PTPRN2: variants seen among roughly 807,000 people sequenced by gnomAD.
PTPRN2 encodes receptor-type tyrosine-protein phosphatase N2.
PTPRN2 carries 74 observed loss-of-function variants against 118.8 expected under a neutral mutation model. The observed-to-expected ratio is 0.62, with a 90% CI of 0.52 to 0.76. The LOEUF (loss-of-function observed/expected upper bound fraction) is 0.76. Among genes scored for constraint, PTPRN2 ranks in the 30% least tolerant of loss-of-function variants. PTPRN2 has a pLI of 0.00. For synonymous variants in PTPRN2, 641 were observed against 608.0 expected (o/e 1.05, Z -0.80); for missense variants, 1,481 against 1,394.4 (o/e 1.06, Z -0.99).
intron 2 of PTPRN2, among the ~76,000 whole-genome samples, chr7:158,348,803 G>A (rs927078868): frequency 6.6e-6 from 1 of 152,168 alleles, no homozygotes; most frequent in Non-Finnish European, 1.5e-5. Context: ...TCCCCATCCT[G>A]GAGCCTCCTG....
chr7:157,625,212 C>G (rs184571657), intron 14 of PTPRN2, among the ~76,000 whole-genome samples: 1 of 152,152 alleles, frequency 6.6e-6, no homozygotes, highest in Admixed American at 6.5e-5. Context: ...CCATATGATC[C>G]GGCAATCCCA....
intron 2 of PTPRN2, among the ~76,000 whole-genome samples, chr7:158,410,669 C>T (rs1262859556): frequency 6.6e-6 from 1 of 152,192 alleles, no homozygotes; most frequent in Non-Finnish European, 1.5e-5. Flanking sequence ...GCCAGAGCCT[C>T]GGAATGTAAC....
In PTPRN2 at chr7:157,866,833, C is replaced by T. The variant is rs191308213; in HGVS notation, c.1788+31840G>A. Among the ~76,000 whole-genome samples the T allele has an allele frequency of 4.0e-3, 474 of 118,286 alleles. 26 individuals carry two copies. The East Asian group carries it at 0.098, about 24-fold the overall frequency. The allele number at this position is 118,286 out of a possible 152,430, so 77.6% of individuals were successfully genotyped here. On this transcript the variant is annotated intron_variant, in intron 12 of 22. Transcript: ENST00000389418. ...CCCTGGATACATGGCCACCACCGCC[C>T]CCCCCCGACGCCCTGGATACACGGC...
intron 1 of PTPRN2, among the ~76,000 whole-genome samples, chr7:158,535,373 C>A (rs1470279987): frequency 6.6e-6 from 1 of 152,136 alleles, no homozygotes; most frequent in African/African-American, 2.4e-5. Flanking sequence ...CCTTGTTTTT[C>A]CTTTCTGTAA....
chr7:158,473,885 A>G (rs1820051067), intron 2 of PTPRN2, among the ~76,000 whole-genome samples: 3 of 152,262 alleles, frequency 2.0e-5, no homozygotes, highest in African/African-American at 4.8e-5. Flanking sequence ...AAACTACTCC[A>G]GTATAAATCT....
intron 12 of PTPRN2, among the ~76,000 whole-genome samples, chr7:157,853,640 G>T (rs1809459508): frequency 6.6e-6 from 1 of 152,172 alleles, no homozygotes; most frequent in Non-Finnish European, 1.5e-5. Context: ...TGTCCGAGGA[G>T]CCTCCTCCAC....
intron 8 of PTPRN2, among the ~76,000 whole-genome samples, chr7:158,135,009 C>T (rs1036544645): frequency 1.3e-5 from 2 of 152,186 alleles, no homozygotes; most frequent in African/African-American, 2.4e-5. Flanking sequence ...AGGCACCCTA[C>T]ACTGCTTCCT....
At chr7:158,018,966 CA>C (rs753498681) in intron 11 of PTPRN2, among the ~76,000 whole-genome samples, 7,712 of 65,720 alleles carry the variant, frequency 0.12, 77 homozygotes, top group African/African-American at 0.2. Flanking sequence ...GTTTCAAAAA[CA>C]AAAAAAAAAA....
At chr7:158,238,357 A>G (rs1282024259) in intron 3 of PTPRN2, among the ~76,000 whole-genome samples, 2 of 151,990 alleles carry the variant, frequency 1.3e-5, no homozygotes, top group African/African-American at 4.8e-5. Context: ...ACTATAAAAT[A>G]AAGCGGGGGG....
At chr7:158,182,102 A>T (rs1471444570) in intron 5 of PTPRN2, among the ~76,000 whole-genome samples, 1 of 152,178 alleles carries the variant, frequency 6.6e-6, no homozygotes, top group Non-Finnish European at 1.5e-5. Flanking sequence ...AGGTTTTGAT[A>T]ACTTGTGTCA....
chr7:158,287,786 G>A (rs1254885724), intron 3 of PTPRN2, among the ~76,000 whole-genome samples: 1 of 152,070 alleles, frequency 6.6e-6, no homozygotes, highest in East Asian at 1.9e-4. Flanking sequence ...ATGTGTATTT[G>A]CTACCATTAT....
At chr7:157,660,266 TAAAAA>T (rs1795824456) in intron 13 of PTPRN2, among the ~76,000 whole-genome samples, 1 of 152,060 alleles carries the variant, frequency 6.6e-6, no homozygotes, top group African/African-American at 2.4e-5. Context: ...TTTACTCACA[TAAAAA>T]TAAAAAATCA....
At chr7:158,303,243 TA>T (rs1801027708) in intron 3 of PTPRN2, among the ~76,000 whole-genome samples, 1 of 152,074 alleles carries the variant, frequency 6.6e-6, no homozygotes, top group Non-Finnish European at 1.5e-5. Context: ...AACAACATTT[TA>T]AAAATCACGG....
rs1336412728 is a variant in PTPRN2, at chr7:158,132,281, GCACA to G, written c.1556+1392_1556+1395del. Among the ~76,000 whole-genome samples, 703 of 142,138 alleles carry G rather than the reference GCACA, an allele frequency of 4.9e-3. 6 individuals carry two copies. The highest frequency in any genetic ancestry group is 0.017 in the African/African-American group (651 of 38,124). 93.2% of individuals were successfully genotyped at this position (142,138 alleles called of 152,430 possible). Reference sequence around the variant, plus strand: ...CATACACACTCATACACACACACACGCACAAACTGATACACATCTACCCGACATA... The same window carrying G: ...CATACACACTCATACACACACACACGAACTGATACACATCTACCCGACATA... On this transcript the variant is annotated intron_variant, in intron 9 of 22. Coordinates refer to ENST00000389418, the MANE Select transcript of PTPRN2 (RefSeq NM_002847.5).
chr7:157,956,962 G>A (rs1361115391), intron 11 of PTPRN2, among the ~76,000 whole-genome samples: 1 of 152,184 alleles, frequency 6.6e-6, no homozygotes, highest in East Asian at 1.9e-4. Context: ...ACCTGCATCT[G>A]AGCCCATTCT....
chr7:158,246,475 C>T lies in PTPRN2; in HGVS notation c.278-41202G>A, dbSNP rs187561234. Among the ~76,000 whole-genome samples the T allele has an allele frequency of 1.7e-4, 26 of 150,764 alleles. 1 individual carries two copies. The highest frequency in any genetic ancestry group is 5.9e-4 in the East Asian group (3 of 5,050). ...GGTCCACAGGACAGGAAGTCCCACACGGGAGAAGGAGGATGCTGGGGCTGC... is the reference window on the plus strand; with the variant it reads ...GGTCCACAGGACAGGAAGTCCCACATGGGAGAAGGAGGATGCTGGGGCTGC... On this transcript the variant is annotated intron_variant, in intron 3 of 22. Coordinates refer to ENST00000389418, the MANE Select transcript of PTPRN2 (RefSeq NM_002847.5).
chr7:157,870,982 A>T (rs141878086), intron 12 of PTPRN2, among the ~76,000 whole-genome samples: 1 of 152,340 alleles, frequency 6.6e-6, no homozygotes, highest in African/African-American at 2.4e-5. Flanking sequence ...GGCCTGGCTC[A>T]GAGATGTTGA....
rs188863391 is a variant in PTPRN2, at chr7:158,178,459, T to C, written c.550-11168A>G. ...AGTCAGAACATAAGGTAATCGATTTTCCTTTCCTGAGTTACTTCACTTAGA... is the reference window on the plus strand; with the variant it reads ...AGTCAGAACATAAGGTAATCGATTTCCCTTTCCTGAGTTACTTCACTTAGA... On this transcript the variant is annotated intron_variant, in intron 5 of 22. Coordinates refer to ENST00000389418, the MANE Select transcript of PTPRN2 (RefSeq NM_002847.5). 3.3e-3 allele frequency among the ~76,000 whole-genome samples: 503 copies of C among 152,256 alleles called. 3 individuals are homozygous for C. Among genetic ancestry groups the C allele is most frequent in the African/African-American group, 0.012 (490 of 41,546 alleles).
chr7:158,319,098 T>C (rs548651931), intron 2 of PTPRN2, among the ~76,000 whole-genome samples: 28 of 152,244 alleles, frequency 1.8e-4, no homozygotes, highest in Non-Finnish European at 1.3e-4. Context: ...TATTAGACTT[T>C]CTTGAAAACT....
Sources: gnomAD v4.1 joint callset for allele counts (sites outside exome capture counted in the v4.1 genomes callset) on GRCh38, gnomAD v4.1.1 for gene constraint, MANE v1.5 for transcripts, NCBI Gene and HGNC (gene_info 2026-07-23, HGNC 2026-07-21) for gene names.